Variants in TP63 observed in about 807,000 individuals in gnomAD.
TP63 encodes tumor protein p63.
TP63 carries 17 observed loss-of-function variants against 82.8 expected under a neutral mutation model. The ratio of observed to expected loss-of-function variants is 0.21; its 90% CI spans 0.14 to 0.31. The LOEUF (loss-of-function observed/expected upper bound fraction) is 0.31, where lower values mean the gene tolerates loss of function less well. Ranked by LOEUF, TP63 falls within the 10% of genes least tolerant of loss-of-function variation. The probability of loss-of-function intolerance (pLI) is 1.00; values close to 1 mark genes in which losing one functional copy is unlikely to be tolerated. For synonymous variants in TP63, 330 were observed against 321.7 expected, an observed-to-expected ratio of 1.03 and a Z score of -0.28; for missense variants, 648 against 895.3, an observed-to-expected ratio of 0.72 and a Z score of 3.52.
At chr3:189,796,815 A>T (rs1427167376) in intron 3 of TP63, among the ~76,000 whole-genome samples, 4 of 152,070 alleles carry the variant, frequency 2.6e-5, no homozygotes, top group African/African-American at 7.2e-5. Flanking sequence ...TGCAAAAAAA[A>T]TTATAAATTT....
chr3:189,782,099 AG>A (rs1457062497), intron 3 of TP63, among the ~76,000 whole-genome samples: 2 of 152,212 alleles, frequency 1.3e-5, no homozygotes, highest in Non-Finnish European at 2.9e-5. Context: ...CTCTTAGAAC[AG>A]TGCCCTTTCA....
chr3:189,775,820 G>A (rs1423830022), intron 3 of TP63, among the ~76,000 whole-genome samples: 1 of 152,178 alleles, frequency 6.6e-6, no homozygotes, highest in Non-Finnish European at 1.5e-5. Flanking sequence ...AGCAGAAATT[G>A]AGGCAGCTGA....
intron 8 of TP63, among the ~76,000 whole-genome samples, chr3:189,868,954 G>A (rs1718074269): frequency 6.6e-6 from 1 of 152,158 alleles, no homozygotes; most frequent in Admixed American, 6.5e-5. Context: ...TTCTCAAAAT[G>A]TGACTTCCAC....
intron 4 of TP63, among the ~76,000 whole-genome samples, chr3:189,827,035 T>C (rs1711532215): frequency 6.6e-6 from 1 of 152,218 alleles, no homozygotes; most frequent in South Asian, 2.1e-4. Context: ...TTGAAGGCTT[T>C]TGAAAGTTCA....
chr3:189,728,166 C>T (rs1247463052), intron 1 of TP63, among the ~76,000 whole-genome samples: 2 of 114,142 alleles, frequency 1.8e-5, no homozygotes, highest in Non-Finnish European at 3.5e-5. Flanking sequence ...CTATGAGTTT[C>T]GTTTATAAAA....
chr3:189,816,927 TAGGG>T (rs936139916), intron 4 of TP63, among the ~76,000 whole-genome samples: 13 of 152,002 alleles, frequency 8.6e-5, no homozygotes, highest in African/African-American at 3.1e-4. Flanking sequence ...TGAGGTAAAT[TAGGG>T]AGGGATTCTG....
At chr3:189,708,704 G>A (rs990562195) in intron 1 of TP63, among the ~76,000 whole-genome samples, 1 of 152,150 alleles carries the variant, frequency 6.6e-6, no homozygotes, top group Non-Finnish European at 1.5e-5. Context: ...CAAAGACACA[G>A]ATTTCATTCA....
intron 4 of TP63, among the ~76,000 whole-genome samples, chr3:189,851,682 GC>G (rs1715651196): frequency 6.6e-6 from 1 of 152,170 alleles, no homozygotes; most frequent in African/African-American, 2.4e-5. Flanking sequence ...CGGTCCCCCT[GC>G]TAGCTTGGTG....
intron 1 of TP63, among the ~76,000 whole-genome samples, chr3:189,693,801 C>T (rs950931671): frequency 1.3e-5 from 2 of 152,118 alleles, no homozygotes; most frequent in Non-Finnish European, 2.9e-5. Flanking sequence ...CTCACGGTGC[C>T]TGGTGTTCTC....
intron 1 of TP63, among the ~76,000 whole-genome samples, chr3:189,660,651 G>C (rs1713793855): frequency 6.6e-6 from 1 of 151,936 alleles, no homozygotes. Context: ...ATTGATTTGG[G>C]CATTATGGCT....
At chr3:189,714,660 A>C (rs1718828715) in intron 1 of TP63, among the ~76,000 whole-genome samples, 1 of 152,104 alleles carries the variant, frequency 6.6e-6, no homozygotes, top group Non-Finnish European at 1.5e-5. Context: ...TTATCCTTAC[A>C]TCTTTCCAAA....
At chr3:189,614,274 G>A in the TP63 span, among the ~76,000 whole-genome samples, 1 of 152,098 alleles carries the variant, frequency 6.6e-6, no homozygotes, top group Non-Finnish European at 1.5e-5. Context: ...AGTCTCACGA[G>A]ATCTGATGGA....
the TP63 span, among the ~76,000 whole-genome samples, chr3:189,615,796 C>T: frequency 1.3e-5 from 2 of 152,234 alleles, no homozygotes; most frequent in Non-Finnish European, 2.9e-5. Flanking sequence ...CACAACTCCA[C>T]ACTTTAGGAA....
chr3:189,748,278 T>C (rs1260180565), intron 3 of TP63, among the ~76,000 whole-genome samples: 1 of 151,806 alleles, frequency 6.6e-6, no homozygotes, highest in Non-Finnish European at 1.5e-5. Flanking sequence ...TGATGATGTA[T>C]CTAAGAAAAC....
chr3:189,644,169 A>C (rs144040296), intron 1 of TP63, among the ~76,000 whole-genome samples: 9 of 151,786 alleles, frequency 5.9e-5, no homozygotes, highest in South Asian at 4.2e-4. Context: ...ATCAGGCCCA[A>C]ATCACACAAT....
At chr3:189,849,107 C>T (rs1381315062) in intron 4 of TP63, among the ~76,000 whole-genome samples, 1 of 152,208 alleles carries the variant, frequency 6.6e-6, no homozygotes. Flanking sequence ...GATAGTAAAA[C>T]ATGTGGAGAG....
intron 4 of TP63, among the ~76,000 whole-genome samples, chr3:189,818,856 G>C (rs1400756806): frequency 6.6e-6 from 1 of 152,174 alleles, no homozygotes; most frequent in African/African-American, 2.4e-5. Context: ...GATATGAGAA[G>C]AGTTTGAATT....
At chr3:189,890,996 C>T in intron 13 of TP63, 114 bp downstream of exon 13, 1 of 929,254 alleles carries the variant, frequency 1.1e-6, no homozygotes, top group Non-Finnish European at 1.7e-6. Context: ...GTCATGCCCC[C>T]AATTATCCAT....
intron 1 of TP63, among the ~76,000 whole-genome samples, chr3:189,671,228 T>A (rs998728675): frequency 4.6e-5 from 7 of 151,814 alleles, no homozygotes; most frequent in Non-Finnish European, 8.8e-5. Flanking sequence ...GGCAAGGGAT[T>A]TGGATAAACA....
Sources: gnomAD v4.1 joint callset for allele counts (sites outside exome capture counted in the v4.1 genomes callset) on GRCh38, gnomAD v4.1.1 for gene constraint, MANE v1.5 for transcripts, NCBI Gene and HGNC (gene_info 2026-07-23, HGNC 2026-07-21) for gene names.